CPED1: variants seen among roughly 807,000 people sequenced by gnomAD.
CPED1 encodes the protein cadherin like and PC-esterase domain containing 1.
A neutral mutation model predicts 128.2 loss-of-function variants in CPED1; 114 were observed. That is an observed-to-expected ratio of 0.89 (90% CI 0.76 to 1.04). The LOEUF is 1.04. Ranked by LOEUF, CPED1 falls within the 50% of genes least tolerant of loss-of-function variation. The probability of loss-of-function intolerance (pLI) is 0.00; values close to 1 mark genes in which losing one functional copy is unlikely to be tolerated. For synonymous variants in CPED1, 462 were observed against 426.7 expected, an observed-to-expected ratio of 1.08 and a Z score of -1.02; for missense variants, 1,211 against 1,207.1, an observed-to-expected ratio of 1.00 and a Z score of -0.05.
chr7:121,229,300 A>G (rs1313664559), intron 16 of CPED1, among the ~76,000 whole-genome samples: 1 of 152,088 alleles, frequency 6.6e-6, no homozygotes, highest in Admixed American at 6.6e-5. Context: ...TAGCCTAAAT[A>G]GCATAAATGG....
chr7:120,993,996 T>A (rs780448072), intron 2 of CPED1: 1 of 322,358 alleles, frequency 3.1e-6, no homozygotes. Flanking sequence ...ACTCTCCTTT[T>A]CAATCAGTAC....
chr7:121,209,572 A>G (rs1399789026), intron 16 of CPED1, among the ~76,000 whole-genome samples: 1 of 151,954 alleles, frequency 6.6e-6, no homozygotes, highest in Admixed American at 6.6e-5. Flanking sequence ...ATAAAACTAG[A>G]CCCCTATCTC....
At chr7:121,118,444 C>T (rs952161585) in intron 7 of CPED1, among the ~76,000 whole-genome samples, 7 of 151,624 alleles carry the variant, frequency 4.6e-5, no homozygotes, top group East Asian at 1.9e-4. Flanking sequence ...CCTGTAATCC[C>T]GGCTACTTGG....
At chr7:121,238,644 T>TGG (rs1798315492) in intron 17 of CPED1, among the ~76,000 whole-genome samples, 1 of 152,010 alleles carries the variant, frequency 6.6e-6, no homozygotes, top group African/African-American at 2.4e-5. Context: ...ACAGGGCCAT[T>TGG]CATAGGGTGA....
chr7:121,098,826 A>T (rs7458268), intron 6 of CPED1, among the ~76,000 whole-genome samples: 1 of 144,198 alleles, frequency 6.9e-6, no homozygotes, highest in African/African-American at 2.5e-5. Context: ...TATATATATA[A>T]ATATATATAT....
intron 21 of CPED1, among the ~76,000 whole-genome samples, chr7:121,269,824 C>A (rs538304199): frequency 6.6e-6 from 1 of 151,874 alleles, no homozygotes; most frequent in Admixed American, 6.6e-5. Flanking sequence ...TAAAGAAATA[C>A]CAGAGACTAG....
At chr7:121,090,646 C>T (rs932438630) in intron 5 of CPED1, among the ~76,000 whole-genome samples, 16 of 152,054 alleles carry the variant, frequency 1.1e-4, no homozygotes, top group African/African-American at 3.9e-4. Context: ...AAAGTAAAAA[C>T]GTATTAAAGA....
chr7:121,162,802 A>T (rs1283639164), intron 16 of CPED1, among the ~76,000 whole-genome samples: 1 of 152,214 alleles, frequency 6.6e-6, no homozygotes. Context: ...ACATGTGGTC[A>T]TGCTGAACCA....
At chr7:121,201,524 AAAGGAAGGAAGGAAGAAAGG>A (rs1797398636) in intron 16 of CPED1, among the ~76,000 whole-genome samples, 1 of 151,392 alleles carries the variant, frequency 6.6e-6, no homozygotes, top group East Asian at 1.9e-4. Flanking sequence ...GAAAGAGAGG[AAAGGAAGGAAGGAAGAAAGG>A]AAGGAAGGAA....
At chr7:121,196,500 C>T (rs1435980446) in intron 16 of CPED1, among the ~76,000 whole-genome samples, 1 of 152,048 alleles carries the variant, frequency 6.6e-6, no homozygotes, top group Non-Finnish European at 1.5e-5. Flanking sequence ...TAGTTAGAGA[C>T]CATTATAGTA....
intron 16 of CPED1, among the ~76,000 whole-genome samples, chr7:121,196,149 A>G (rs1797267221): frequency 6.6e-6 from 1 of 152,002 alleles, no homozygotes. Context: ...GGATGTGGAG[A>G]GCAGGAAGGA....
chr7:121,212,718 A>G (rs928234202), intron 16 of CPED1, among the ~76,000 whole-genome samples: 2 of 152,012 alleles, frequency 1.3e-5, no homozygotes, highest in Non-Finnish European at 2.9e-5. Flanking sequence ...AATAGATGTC[A>G]TAAACTGTAA....
At chr7:121,293,061 C>T (rs965123131) in intron 22 of CPED1, among the ~76,000 whole-genome samples, 7 of 152,174 alleles carry the variant, frequency 4.6e-5, no homozygotes, top group African/African-American at 1.7e-4. Flanking sequence ...TTGGGAGATC[C>T]TCTGCTCTCT....
At chr7:121,017,629 C>G (rs1338129230) in intron 3 of CPED1, among the ~76,000 whole-genome samples, 1 of 152,144 alleles carries the variant, frequency 6.6e-6, no homozygotes, top group African/African-American at 2.4e-5. Context: ...CTTGTTGCTG[C>G]TACTGACTTT....
intron 16 of CPED1, among the ~76,000 whole-genome samples, chr7:121,196,742 C>T (rs551187135): frequency 1.7e-4 from 26 of 152,032 alleles, no homozygotes; most frequent in East Asian, 3.9e-4. Flanking sequence ...TTCAGTTCCC[C>T]GTGCTACCGT....
intron 16 of CPED1, among the ~76,000 whole-genome samples, chr7:121,168,500 A>G (rs1796583520): frequency 6.6e-6 from 1 of 152,142 alleles, no homozygotes; most frequent in African/African-American, 2.4e-5. Context: ...GGTACATGAG[A>G]TGTTTTGATG....
chr7:121,274,648 C>T (rs1231820002), intron 22 of CPED1, among the ~76,000 whole-genome samples: 1 of 152,096 alleles, frequency 6.6e-6, no homozygotes, highest in Admixed American at 6.6e-5. Context: ...TAAATTCATT[C>T]ATTACTTAGG....
Position 121,093,581 on chromosome 7 carries a change from G to A in CPED1, c.617-4118G>A, listed in dbSNP as rs1794628075. Among the ~76,000 whole-genome samples, 3 of 152,128 alleles carry A rather than the reference G, an allele frequency of 2.0e-5. No individual in the cohort carries two copies. In the South Asian group the frequency reaches 6.2e-4, roughly 32 times the overall value. ...CATCTCCAGGGAGCCGTCCTCCACA[G>A]ACTGCATCCACAGGGCAACCTTGTC... On this transcript the variant is annotated intron_variant, in intron 5 of 22. Coordinates refer to ENST00000310396, the MANE Select transcript of CPED1 (RefSeq NM_024913.5).
intron 5 of CPED1, among the ~76,000 whole-genome samples, chr7:121,067,000 G>A (rs895836123): frequency 1.3e-5 from 2 of 151,938 alleles, no homozygotes; most frequent in Admixed American, 6.6e-5. Context: ...ATGCAAATAC[G>A]ACATCATTTT....
Sources: allele counts gnomAD v4.1 joint callset (sites outside exome capture counted in the v4.1 genomes callset), GRCh38; gene constraint gnomAD v4.1.1; transcripts MANE v1.5; gene names NCBI Gene and HGNC (gene_info 2026-07-23, HGNC 2026-07-21).